Variants in GLE1 observed in about 807,000 individuals in gnomAD.
GLE1 encodes the protein GLE1 RNA export mediator, also known as mRNA export factor GLE1.
GLE1 carries 78 observed loss-of-function variants against 97.3 expected under a neutral mutation model. That is an observed-to-expected ratio of 0.80 (90% CI 0.67 to 0.97). GLE1 has a LOEUF of 0.97. Among genes scored for constraint, GLE1 ranks in the 50% least tolerant of loss-of-function variants. GLE1 has a pLI of 0.00. For missense variants in GLE1, 753 were observed against 857.5 expected (o/e 0.88, Z 1.52); for synonymous variants, 302 against 313.4 (o/e 0.96, Z 0.39).
intron 2 of GLE1, among the ~76,000 whole-genome samples, chr9:128,512,707 G>A (rs1414670375): frequency 1.3e-5 from 2 of 151,108 alleles, no homozygotes; most frequent in Admixed American, 6.6e-5. Flanking sequence ...CGCTTTTGTC[G>A]CCCAGGCTGG....
At position 128,540,314 on chromosome 9, in the gene GLE1, C is replaced by A. The variant is rs939408698; in HGVS notation, c.2004C>A (p.Phe668Leu). ...AITSSGQMGSFIRLKQFLEKC... is the reference protein window; with the variant it reads ...AITSSGQMGSLIRLKQFLEKC... ...CAAGCTCAGGACAGATGGGCTCCTT[C>A]ATACGCCTCAAGCAGTTCTTGGAGG... is the stretch of plus-strand genomic sequence containing the variant. Residue 668 changes from phenylalanine (F) to leucine (L), a missense_variant, in exon 15 of 16, where the codon TTC becomes TTA. Transcript: ENST00000309971. 1.2e-6 allele frequency: 2 copies of A among 1,609,986 alleles called. No individual in the cohort carries two copies. The highest frequency in any genetic ancestry group is 1.7e-6 in the Non-Finnish European group (2 of 1,176,308).
At chr9:128,505,586 C>T (rs185237652) in intron 1 of GLE1, among the ~76,000 whole-genome samples, 1 of 152,314 alleles carries the variant, frequency 6.6e-6, no homozygotes, top group East Asian at 1.9e-4. Context: ...TGCTTTCAAA[C>T]CACCAGACCA....
At chr9:128,513,769 C>T (rs1425365477) in intron 2 of GLE1, among the ~76,000 whole-genome samples, 1 of 150,920 alleles carries the variant, frequency 6.6e-6, no homozygotes, top group African/African-American at 2.4e-5. Context: ...GTAATCCCAG[C>T]ACTTTGGAAG....
At chr9:128,524,962 G>A (rs186717282) in intron 6 of GLE1, among the ~76,000 whole-genome samples, 3 of 152,064 alleles carry the variant, frequency 2.0e-5, no homozygotes, top group Admixed American at 6.6e-5. Context: ...AAAAAATTAC[G>A]CTGGCCCTTG....
At chr9:128,508,377 C>A (rs1055158428) in intron 1 of GLE1, among the ~76,000 whole-genome samples, 4 of 152,098 alleles carry the variant, frequency 2.6e-5, no homozygotes, top group African/African-American at 9.7e-5. Flanking sequence ...TGCACTCCAG[C>A]CTGGGTAACA....
intron 5 of GLE1, 103 bp downstream of exon 5, chr9:128,523,443 A>G: frequency 2.2e-6 from 3 of 1,380,236 alleles, no homozygotes; most frequent in Non-Finnish European, 2.1e-6. Flanking sequence ...TCTGGGCCGT[A>G]TTATGCCTGT....
chr9:128,512,672 CT>C (rs1000954448), intron 2 of GLE1, among the ~76,000 whole-genome samples: 324 of 143,652 alleles, frequency 2.3e-3, no homozygotes, highest in Non-Finnish European at 2.1e-3. Context: ...TTGCTGAGGT[CT>C]TTTTTTTTTT....
In GLE1 at chr9:128,541,111, C is replaced by T; in HGVS notation, c.2038C>T (p.Gln680Ter). 6.4e-7 allele frequency: 1 copy of T among 1,571,444 alleles called. No homozygotes were observed. The highest frequency in any genetic ancestry group is 8.8e-7 in the Non-Finnish European group (1 of 1,141,096). ...ATCTTTCCCTGACCAGAAATGTTTG[C>T]AACACAAGGACATTCCTGTCCCCAA... Reference protein sequence around the residue: ...RLKQFLEKCLQHKDIPVPKGF... With the variant: ...RLKQFLEKCL The change falls in exon 16 of 16, where the codon CAA (glutamine) becomes TAA (stop). Residue 680 changes from glutamine to a stop codon, truncating the protein, a stop_gained. Coordinates refer to ENST00000309971, the MANE Select transcript of GLE1 (RefSeq NM_001003722.2). LOFTEE classifies it high-confidence loss of function.
chr9:128,523,163 T>C (rs1847202389), intron 4 of GLE1, 117 bp from the exon 5 acceptor site: 1 of 836,834 alleles, frequency 1.2e-6, no homozygotes, highest in South Asian at 1.3e-5. Context: ...CGAGACCCCA[T>C]CTCTAAGAAA....
chr9:128,533,200 G>T (rs1179284102), intron 9 of GLE1, among the ~76,000 whole-genome samples: 1 of 151,704 alleles, frequency 6.6e-6, no homozygotes, highest in Non-Finnish European at 1.5e-5. Flanking sequence ...AAAGCGGGCG[G>T]ATCACTTGAG....
intron 15 of GLE1, 28 bp downstream of exon 15, chr9:128,540,366 C>A: frequency 6.9e-7 from 1 of 1,458,506 alleles, no homozygotes; most frequent in Non-Finnish European, 9.6e-7. Flanking sequence ...CAACATGCCC[C>A]ACACTGTTGT....
intron 9 of GLE1, among the ~76,000 whole-genome samples, chr9:128,528,695 T>A (rs1383497852): frequency 2.0e-5 from 3 of 152,192 alleles, no homozygotes; most frequent in Admixed American, 2.0e-4. Context: ...AAAACATCAC[T>A]CAGGGAACCT....
intron 3 of GLE1, among the ~76,000 whole-genome samples, chr9:128,521,556 T>TA (rs1847153305): frequency 6.6e-6 from 1 of 152,078 alleles, no homozygotes; most frequent in African/African-American, 2.4e-5. Context: ...ATAAACAAAA[T>TA]AAAATATAAT....
At chr9:128,534,427 G>A (rs1213680537) in intron 11 of GLE1, among the ~76,000 whole-genome samples, 1 of 152,080 alleles carries the variant, frequency 6.6e-6, no homozygotes, top group Non-Finnish European at 1.5e-5. Context: ...GAGCCTTTGG[G>A]ATTTGTGAAC....
Position 128,536,724 on chromosome 9 carries a change from T to C in GLE1, c.1776+240T>C, listed in dbSNP as rs1847722838. On this transcript the variant is annotated intron_variant, in intron 12 of 15. Coordinates refer to ENST00000309971, the MANE Select transcript of GLE1 (RefSeq NM_001003722.2). ...GAGTCTACCAGAGGAGAGTCTGTTATAAATCAGTCATTAAGGTTAGAAGAT... is the reference window on the plus strand; with the variant it reads ...GAGTCTACCAGAGGAGAGTCTGTTACAAATCAGTCATTAAGGTTAGAAGAT... The C allele has an allele frequency of 1.1e-5, 5 of 447,792 alleles. No homozygotes were observed. In the Admixed American group the frequency reaches 1.7e-4, roughly 15 times the overall value. 27.7% of individuals were successfully genotyped at this position (447,792 alleles called of 1,614,324 possible).
rs533271123 is a variant in GLE1, at chr9:128,507,116, A to G, written c.100-1760A>G. On this transcript the variant is annotated intron_variant, in intron 1 of 15. Transcript: ENST00000309971. ...CTGGTTTCCTTTGATTTAAAATTAT[A>G]TTTACAAACCAAGATCTGGTACTAG... 2.6e-5 allele frequency among the ~76,000 whole-genome samples: 4 copies of G among 152,298 alleles called. No homozygotes were observed. In the South Asian group the frequency reaches 6.2e-4, roughly 24 times the overall value.
At chr9:128,527,094 C>T (rs1847321426) in intron 7 of GLE1, 85 bp from the exon 8 acceptor site, 3 of 762,004 alleles carry the variant, frequency 3.9e-6, no homozygotes, top group Admixed American at 3.9e-5. Flanking sequence ...TCAGTACATA[C>T]ATAAAGTGAT....
At chr9:128,514,518 C>G (rs140147391) in intron 2 of GLE1, among the ~76,000 whole-genome samples, 1 of 149,792 alleles carries the variant, frequency 6.7e-6, no homozygotes, top group East Asian at 2.0e-4. Flanking sequence ...TCTCTGCGCA[C>G]TGCAAGCTCC....
chr9:128,522,782 G>T lies in GLE1; in HGVS notation c.547G>T (p.Glu183Ter). 6.2e-7 allele frequency: 1 copy of T among 1,613,702 alleles called. No individual in the cohort carries two copies. Among genetic ancestry groups the T allele is most frequent in the Non-Finnish European group, 8.5e-7 (1 of 1,179,874 alleles). The change falls in exon 4 of 16, where the codon GAA becomes TAA. Residue 183 changes from glutamate to a stop codon, truncating the protein, a stop_gained. Transcript: ENST00000309971. LOFTEE classifies it high-confidence loss of function. ...DEWKELKQHK[E>*]FQDLREVMEK... ...ATGGAAGGAACTGAAGCAGCATAAA[G>T]AATTCCAGGACTTGCGGGAAGTAAT...
Sources: allele counts gnomAD v4.1 joint callset (sites outside exome capture counted in the v4.1 genomes callset), GRCh38; gene constraint gnomAD v4.1.1; transcripts MANE v1.5; gene names NCBI Gene and HGNC (gene_info 2026-07-23, HGNC 2026-07-21).